RALGAPA2: variants seen among roughly 807,000 people sequenced by gnomAD.
RALGAPA2 encodes Ral GTPase activating protein catalytic subunit alpha 2.
In RALGAPA2, 139 loss-of-function variants were observed where a neutral mutation model predicts 230.4. The observed-to-expected ratio is 0.60, with a 90% CI of 0.53 to 0.69. The LOEUF is 0.69. Ranked by LOEUF, RALGAPA2 falls within the 30% of genes least tolerant of loss-of-function variation. The pLI is 0.00. For synonymous variants in RALGAPA2, 847 were observed against 837.8 expected (o/e 1.01, Z -0.19); for missense variants, 2,163 against 2,276.0 (o/e 0.95, Z 1.01).
chr20:20,421,300 C>T (rs550256190), intron 37 of RALGAPA2, among the ~76,000 whole-genome samples: 5 of 152,274 alleles, frequency 3.3e-5, no homozygotes, highest in East Asian at 1.9e-4. Context: ...AAAGGACAAG[C>T]GACAGTAATA....
At position 20,524,448 on chromosome 20, in the gene RALGAPA2, C is replaced by T. The variant is rs1347300563; in HGVS notation, c.3858G>A (p.Glu1286=). ...LHPVSTAVLE[E]QHSARAPLLD... The stretch of plus-strand genomic sequence containing the variant: ...GCAAGGGGGCTCTGGCCGAATGCTG[C>T]TCCTCTAGGACTGCTGTGGACACGG... Residue 1286 remains glutamate, a synonymous_variant, in exon 30 of 40, where the codon GAG becomes GAA. Transcript: ENST00000202677. 1.2e-5 allele frequency: 20 copies of T among 1,613,820 alleles called. No individual in the cohort carries two copies. The East Asian group carries it at 2.2e-4, about 18-fold the overall frequency.
intron 3 of RALGAPA2, among the ~76,000 whole-genome samples, chr20:20,674,539 C>T (rs2068249636): frequency 6.6e-6 from 1 of 152,154 alleles, no homozygotes; most frequent in African/African-American, 2.4e-5. Context: ...GGAAAGCAGA[C>T]CAACTGGCAA....
At chr20:20,626,204 G>T (rs904689332) in intron 10 of RALGAPA2, among the ~76,000 whole-genome samples, 7 of 152,092 alleles carry the variant, frequency 4.6e-5, no homozygotes, top group Admixed American at 3.3e-4. Flanking sequence ...TAGTTATTTT[G>T]AAAGAAGTCA....
chr20:20,545,923 A>AGGCATAAT (rs1021928238), intron 24 of RALGAPA2, among the ~76,000 whole-genome samples: 2 of 152,132 alleles, frequency 1.3e-5, no homozygotes, highest in Non-Finnish European at 2.9e-5. Flanking sequence ...AAAATCAGCC[A>AGGCATAAT]GGCATAATGG....
At position 20,573,287 on chromosome 20, in the gene RALGAPA2, A is replaced by C. The variant is rs534496078; in HGVS notation, c.2708-219T>G. On this transcript the variant is annotated intron_variant, in intron 20 of 39. Transcript: ENST00000202677. ...AAAGAGCAACAAGCTAAGACATGAC[A>C]TAACAGTTCCTGGAGACCCTGTGAT... Among the ~76,000 whole-genome samples the C allele has an allele frequency of 2.6e-5, 4 of 152,332 alleles. No individual in the cohort carries two copies. In the South Asian group the frequency reaches 8.3e-4, roughly 32 times the overall value.
At chr20:20,419,499 T>A (rs367947893) in intron 37 of RALGAPA2, among the ~76,000 whole-genome samples, 1 of 152,016 alleles carries the variant, frequency 6.6e-6, no homozygotes, top group African/African-American at 2.4e-5. Context: ...ATTTCAGAAA[T>A]AGACCAGAAT....
At chr20:20,652,784 C>T (rs60636100) in intron 4 of RALGAPA2, among the ~76,000 whole-genome samples, 3,353 of 152,300 alleles carry the variant, frequency 0.022, 129 homozygotes, top group African/African-American at 0.077. Flanking sequence ...AGGTTAAAAG[C>T]TGGACAGAAA....
At chr20:20,499,743 C>G (rs528661591) in intron 35 of RALGAPA2, among the ~76,000 whole-genome samples, 1 of 152,282 alleles carries the variant, frequency 6.6e-6, no homozygotes, top group South Asian at 2.1e-4. Context: ...AGTTTTTGAA[C>G]GCAAATTGTA....
chr20:20,648,383 G>C (rs1603193654), intron 4 of RALGAPA2, among the ~76,000 whole-genome samples: 1 of 151,806 alleles, frequency 6.6e-6, no homozygotes, highest in African/African-American at 2.4e-5. Flanking sequence ...TTACCAAGGG[G>C]GACGAGGAAA....
chr20:20,573,981 T>C (rs1270027823), intron 20 of RALGAPA2, among the ~76,000 whole-genome samples: 1 of 152,202 alleles, frequency 6.6e-6, no homozygotes, highest in East Asian at 1.9e-4. Flanking sequence ...CGGTCATAAG[T>C]GTATGCTTAA....
At chr20:20,458,530 T>TTA (rs1217020179) in intron 37 of RALGAPA2, among the ~76,000 whole-genome samples, 49 of 137,910 alleles carry the variant, frequency 3.6e-4, no homozygotes, top group South Asian at 6.5e-4. Context: ...TTTATATATA[T>TTA]TATATATAAT....
chr20:20,649,992 A>T (rs1291339220), intron 4 of RALGAPA2, among the ~76,000 whole-genome samples: 1 of 152,222 alleles, frequency 6.6e-6, no homozygotes, highest in African/African-American at 2.4e-5. Flanking sequence ...TTTCGTAGTC[A>T]GTAATAGAAA....
chr20:20,520,035 T>C (rs954014917), intron 31 of RALGAPA2, among the ~76,000 whole-genome samples: 1 of 152,146 alleles, frequency 6.6e-6, no homozygotes, highest in Non-Finnish European at 1.5e-5. Context: ...GTGGGAGCCA[T>C]GATGCTTGGC....
At chr20:20,495,710 G>A (rs2062186668) in intron 35 of RALGAPA2, among the ~76,000 whole-genome samples, 1 of 152,152 alleles carries the variant, frequency 6.6e-6, no homozygotes, top group Non-Finnish European at 1.5e-5. Flanking sequence ...GAACATAAGA[G>A]AACATAAGCC....
chr20:20,598,497 A>G lies in RALGAPA2; in HGVS notation c.2203+3185T>C, dbSNP rs76813613. Among the ~76,000 whole-genome samples the G allele has an allele frequency of 8.5e-3, 1,289 of 152,306 alleles. 18 individuals carry two copies. Among genetic ancestry groups the G allele is most frequent in the African/African-American group, 0.029 (1,225 of 41,550 alleles). On this transcript the variant is annotated intron_variant, in intron 16 of 39. Coordinates refer to ENST00000202677, the MANE Select transcript of RALGAPA2 (RefSeq NM_020343.4). ...AAAGTTATAGAAATTTTTCTTGACT[A>G]TCTAATTGCCATTAAGTATCTAACT...
At chr20:20,420,541 C>T (rs1167072464) in intron 37 of RALGAPA2, among the ~76,000 whole-genome samples, 1 of 152,234 alleles carries the variant, frequency 6.6e-6, no homozygotes, top group East Asian at 1.9e-4. Context: ...TTAAGCATAA[C>T]CAGGAAGGAC....
Position 20,546,063 on chromosome 20 carries a change from A to T in RALGAPA2, c.3285+641T>A, listed in dbSNP as rs551144519. 7.6e-4 allele frequency among the ~76,000 whole-genome samples: 115 copies of T among 152,280 alleles called. 1 individual carries two copies. The highest frequency in any genetic ancestry group is 2.7e-3 in the African/African-American group (111 of 41,572). On this transcript the variant is annotated intron_variant, in intron 24 of 39. Coordinates refer to ENST00000202677, the MANE Select transcript of RALGAPA2 (RefSeq NM_020343.4). ...TCAGCCTGGGCAGAGAATGAATGGG[A>T]CCCTATCTCTTGAAAAACAACAACA...
intron 37 of RALGAPA2, among the ~76,000 whole-genome samples, chr20:20,428,297 T>G (rs1044918808): frequency 7.9e-5 from 12 of 152,158 alleles, no homozygotes; most frequent in Non-Finnish European, 1.8e-4. Flanking sequence ...CATTTAAGCC[T>G]CATAGAGTCA....
intron 5 of RALGAPA2, among the ~76,000 whole-genome samples, chr20:20,641,379 C>T (rs1293304747): frequency 1.3e-5 from 2 of 152,146 alleles, no homozygotes; most frequent in South Asian, 4.1e-4. Context: ...TTTACATGTG[C>T]TATCACTATA....
Sources: gnomAD v4.1 joint callset for allele counts (sites outside exome capture counted in the v4.1 genomes callset) on GRCh38, gnomAD v4.1.1 for gene constraint, MANE v1.5 for transcripts, NCBI Gene and HGNC (gene_info 2026-07-23, HGNC 2026-07-21) for gene names.